The following RORB variants were observed in gnomAD, a reference collection of about 807,000 sequenced individuals.
RORB encodes the protein RAR related orphan receptor B, also known as nuclear receptor ROR-beta.
RORB carries 6 observed loss-of-function variants against 59.1 expected under a neutral mutation model. The observed-to-expected ratio is 0.10, with a 90% CI of 0.06 to 0.20. RORB has a LOEUF of 0.20. Ranked by LOEUF, RORB falls within the 10% of genes least tolerant of loss-of-function variation. RORB has a pLI of 1.00. For missense variants in RORB, 320 were observed against 560.5 expected, an observed-to-expected ratio of 0.57 and a Z score of 4.33; for synonymous variants, 215 against 204.5, an observed-to-expected ratio of 1.05 and a Z score of -0.44.
intron 1 of RORB, among the ~76,000 whole-genome samples, chr9:74,620,069 G>A (rs2118382703): frequency 6.6e-6 from 1 of 152,268 alleles, no homozygotes; most frequent in South Asian, 2.1e-4. Context: ...AATGAGTTAG[G>A]GAGGATTTCC....
In RORB at chr9:74,508,585, A is replaced by G. The variant is rs190428876; in HGVS notation, c.7+10602A>G. 1.1e-4 allele frequency among the ~76,000 whole-genome samples: 17 copies of G among 152,158 alleles called. 1 individual carries two copies. In the East Asian group the frequency reaches 3.3e-3, roughly 29 times the overall value. On this transcript the variant is annotated intron_variant, in intron 1 of 9. Transcript: ENST00000376896. The stretch of plus-strand genomic sequence containing the variant: ...GACAGAGTTGTAGGTGACACCTTCT[A>G]TAGTGAAGAAGGTGTAAATGTAACT...
intron 1 of RORB, among the ~76,000 whole-genome samples, chr9:74,509,069 C>A (rs1432771228): frequency 6.6e-6 from 1 of 152,010 alleles, no homozygotes; most frequent in East Asian, 1.9e-4. Context: ...ACAACTCTCA[C>A]CAGTGTTTTG....
intron 1 of RORB, among the ~76,000 whole-genome samples, chr9:74,556,248 A>G (rs1587357905): frequency 6.6e-6 from 1 of 152,194 alleles, no homozygotes; most frequent in East Asian, 1.9e-4. Flanking sequence ...GTTCATTTAT[A>G]TATTATACTT....
chr9:74,596,614 G>C (rs1177523960), intron 1 of RORB, among the ~76,000 whole-genome samples: 1 of 152,098 alleles, frequency 6.6e-6, no homozygotes, highest in Non-Finnish European at 1.5e-5. Flanking sequence ...CATTCTAAGA[G>C]AGTATCCCTG....
In RORB at chr9:74,597,958, C is replaced by CA. The variant is rs780695509; in HGVS notation, c.8-32311dup. On this transcript the variant is annotated intron_variant, in intron 1 of 9. Coordinates refer to ENST00000376896, the MANE Select transcript of RORB (RefSeq NM_006914.4). ...GGGTGACAACAGTGAAACTCTGTCTCAAAAAAAAAAAAATTATATTGGTTA... is the reference window on the plus strand; with the variant it reads ...GGGTGACAACAGTGAAACTCTGTCTCAAAAAAAAAAAAAATTATATTGGTTA... 6.6e-3 allele frequency among the ~76,000 whole-genome samples: 796 copies of CA among 120,676 alleles called. 4 individuals are homozygous for CA. The highest frequency in any genetic ancestry group is 9.3e-3 in the Admixed American group (111 of 11,942). The allele number at this position is 120,676 out of a possible 152,430, so 79.2% of individuals were successfully genotyped here. A position where few individuals can be genotyped will look rare whatever the true frequency, so the allele number is the denominator to read the frequency against.
intron 1 of RORB, chr9:74,498,196 G>A: frequency 1.6e-6 from 1 of 613,392 alleles, no homozygotes; most frequent in South Asian, 2.0e-5. Context: ...GAGGGACGCG[G>A]GAGGGCGCTT....
intron 1 of RORB, among the ~76,000 whole-genome samples, chr9:74,587,975 A>G (rs939256879): frequency 2.6e-5 from 4 of 152,196 alleles, no homozygotes; most frequent in African/African-American, 9.6e-5. Context: ...GTTCAAATAT[A>G]AATGTGCATA....
At chr9:74,639,508 G>C (rs1178838687) in intron 3 of RORB, among the ~76,000 whole-genome samples, 1 of 151,044 alleles carries the variant, frequency 6.6e-6, no homozygotes, top group African/African-American at 2.4e-5. Context: ...AATGGAAAAG[G>C]GTTTTAAAAA....
chr9:74,677,373 T>G (rs1327836), intron 9 of RORB, among the ~76,000 whole-genome samples: 43,596 of 152,124 alleles, frequency 0.29, 8,337 homozygotes, highest in East Asian at 0.68. Flanking sequence ...TTATTTCAAA[T>G]AGTTAGGATT....
At chr9:74,527,891 A>C (rs1826179535) in intron 1 of RORB, among the ~76,000 whole-genome samples, 1 of 152,004 alleles carries the variant, frequency 6.6e-6, no homozygotes. Flanking sequence ...GGTTGACTTC[A>C]TGCACTTGAA....
At chr9:74,622,743 T>C (rs1823444815) in intron 1 of RORB, among the ~76,000 whole-genome samples, 1 of 151,950 alleles carries the variant, frequency 6.6e-6, no homozygotes, top group Admixed American at 6.6e-5. Context: ...GCCAGGATGG[T>C]CTCGATCTCT....
At chr9:74,646,642 CAGTG>C (rs1823904642) in intron 4 of RORB, among the ~76,000 whole-genome samples, 1 of 128,410 alleles carries the variant, frequency 7.8e-6, no homozygotes, top group East Asian at 2.4e-4. Flanking sequence ...GAGTCTGAGA[CAGTG>C]AGTGATATTC....
intron 1 of RORB, among the ~76,000 whole-genome samples, chr9:74,548,913 A>C (rs1826545298): frequency 2.0e-5 from 3 of 152,076 alleles, no homozygotes; most frequent in Admixed American, 2.0e-4. Context: ...AATACCTCTT[A>C]TGTGTTTAAT....
At chr9:74,504,492 A>T (rs982761805) in intron 1 of RORB, among the ~76,000 whole-genome samples, 1 of 152,098 alleles carries the variant, frequency 6.6e-6, no homozygotes, top group African/African-American at 2.4e-5. Context: ...ATGCTCTTAT[A>T]AAAGAACAAA....
At position 74,558,881 on chromosome 9, in the gene RORB, G is replaced by A. The variant is rs571581884; in HGVS notation, c.7+60898G>A. 3.5e-4 allele frequency among the ~76,000 whole-genome samples: 54 copies of A among 152,332 alleles called. 1 individual carries two copies. The highest frequency in any genetic ancestry group is 1.3e-3 in the African/African-American group (52 of 41,576). On this transcript the variant is annotated intron_variant, in intron 1 of 9. Coordinates refer to ENST00000376896, the MANE Select transcript of RORB (RefSeq NM_006914.4). Reference sequence around the variant, plus strand: ...TGCCAGTTATCCTGGGACTTTAGCTGTAGAAAGGATCTGAGTACTTGAGTG... The same window carrying A: ...TGCCAGTTATCCTGGGACTTTAGCTATAGAAAGGATCTGAGTACTTGAGTG...
In RORB at chr9:74,690,442, C is replaced by T. The variant is rs1198021333; in HGVS notation, c.*4824C>T. 2 of 152,204 alleles carry T rather than the reference C, an allele frequency of 1.3e-5. No homozygotes were observed. Among genetic ancestry groups the T allele is most frequent in the Non-Finnish European group, 2.9e-5 (2 of 68,066 alleles). The allele number at this position is 152,204 out of a possible 1,614,324, so 9.4% of individuals were successfully genotyped here. A position where few individuals can be genotyped will look rare whatever the true frequency, so the allele number is the denominator to read the frequency against. The stretch of plus-strand genomic sequence containing the variant: ...AGGGACATCCACGATTTACCTGAAA[C>T]TGAATGCTGCTAGAGCTTCTGAATT... On this transcript the variant is annotated 3_prime_UTR_variant, in exon 10 of 10. Coordinates refer to ENST00000376896, the MANE Select transcript of RORB (RefSeq NM_006914.4).
At chr9:74,659,167 T>C (rs1554673641) in intron 4 of RORB, among the ~76,000 whole-genome samples, 1 of 152,132 alleles carries the variant, frequency 6.6e-6, no homozygotes, top group Non-Finnish European at 1.5e-5. Flanking sequence ...CAATGGTCTG[T>C]AGGAGATTTT....
intron 1 of RORB, among the ~76,000 whole-genome samples, chr9:74,618,128 GACGCACACACACAC>G (rs978113270): frequency 7.9e-5 from 12 of 151,752 alleles, no homozygotes; most frequent in East Asian, 5.8e-4. Flanking sequence ...ATCACACACA[GACGCACACACACAC>G]ACGCACACAC....
chr9:74,691,591 T>C lies in RORB; in HGVS notation c.*5973T>C, dbSNP rs1824741579. The C allele has an allele frequency of 6.6e-6, 1 of 152,232 alleles. No individual in the cohort carries two copies. The highest frequency in any genetic ancestry group is 1.5e-5 in the Non-Finnish European group (1 of 68,036). 9.4% of individuals were successfully genotyped at this position (152,232 alleles called of 1,614,324 possible). On this transcript the variant is annotated 3_prime_UTR_variant, in exon 10 of 10. Transcript: ENST00000376896. The stretch of plus-strand genomic sequence containing the variant: ...TATGCTTGTGGAAGGTCTAATACAA[T>C]GTATGCTGTCTCTGTAATTTTTGCT...
Sources: allele counts gnomAD v4.1 joint callset (sites outside exome capture counted in the v4.1 genomes callset), GRCh38; gene constraint gnomAD v4.1.1; transcripts MANE v1.5; gene names NCBI Gene and HGNC (gene_info 2026-07-23, HGNC 2026-07-21).